Variants in MEFV observed in about 807,000 individuals in gnomAD.
MEFV encodes pyrin.
Under a neutral mutation model 62.5 loss-of-function variants are expected in MEFV, and 60 were observed. The observed-to-expected ratio is 0.96, with a 90% CI of 0.78 to 1.19. The LOEUF (loss-of-function observed/expected upper bound fraction) is 1.19, where lower values mean the gene tolerates loss of function less well. MEFV is among the 50% of genes most tolerant of loss of function. MEFV has a pLI of 0.00. For synonymous variants in MEFV, 500 were observed against 415.2 expected, an observed-to-expected ratio of 1.20 and a Z score of -2.48; for missense variants, 1,169 against 1,004.5, an observed-to-expected ratio of 1.16 and a Z score of -2.21.
intron 8 of MEFV, 164 bp downstream of exon 8, chr16:3,244,090 G>A: frequency 6.4e-7 from 1 of 1,551,884 alleles, no homozygotes; most frequent in Non-Finnish European, 8.7e-7. Context: ...CTCAGTCAAT[G>A]AGTCACGCAC....
chr16:3,246,987 C>T, intron 5 of MEFV, 29 bp downstream of exon 5: 1 of 1,607,506 alleles, frequency 6.2e-7, no homozygotes, highest in Non-Finnish European at 8.5e-7. Flanking sequence ...CACAGGGGAC[C>T]CAAGAAAGCC....
rs1018265024 is a variant in MEFV, at chr16:3,254,802, A to G, written c.278-12T>C. ...TTGTGTGGAATATTCTGGAAGGACA[A>G]CCAGATGCAAAATGATGAAGCTGTC... is the stretch of plus-strand genomic sequence containing the variant. On this transcript the variant is annotated splice_polypyrimidine_tract_variant and intron_variant, in intron 1 of 9. Transcript: ENST00000219596. The G allele has an allele frequency of 1.9e-6, 3 of 1,609,974 alleles. No individual in the cohort carries two copies. Among genetic ancestry groups the G allele is most frequent in the African/African-American group, 2.7e-5 (2 of 74,938 alleles).
intron 2 of MEFV, among the ~76,000 whole-genome samples, chr16:3,252,391 G>A (rs948191102): frequency 4.6e-5 from 7 of 150,842 alleles, no homozygotes; most frequent in Admixed American, 1.3e-4. Context: ...CTCCTGCCTC[G>A]AAGCCTTCTG....
intron 1 of MEFV, 136 bp from the exon 2 acceptor site, chr16:3,254,926 C>G (rs529496703): frequency 7.0e-7 from 1 of 1,429,352 alleles, no homozygotes; most frequent in Non-Finnish European, 9.6e-7. Flanking sequence ...CGCGGTGGCT[C>G]ATGCCTGTAT....
Position 3,254,235 on chromosome 16 carries a change from C to A in MEFV, c.833G>T (p.Arg278Leu), listed in dbSNP as rs104895187. 6.2e-7 allele frequency: 1 copy of A among 1,614,258 alleles called. No homozygotes were observed. Residue 278 changes from arginine to leucine, a missense_variant, in exon 2 of 10, where the codon CGG becomes CTG. By Grantham distance (102) the Arg-to-Leu change is moderately radical (BLOSUM62 -2). Coordinates refer to ENST00000219596, the MANE Select transcript of MEFV (RefSeq NM_000243.3). ...CCCTCCATCCGGAGTGGGCCTTGCCCGGGGTTCTGTTGCCGAGTCCAGATT... is the reference window on the plus strand; with the variant it reads ...CCCTCCATCCGGAGTGGGCCTTGCCAGGGGTTCTGTTGCCGAGTCCAGATT... ...AANLDSATEP[R>L]ARPTPDGGAS... is the part of the protein sequence containing the mutation.
chr16:3,253,033 C>T (rs1959059973), intron 2 of MEFV, among the ~76,000 whole-genome samples: 1 of 151,108 alleles, frequency 6.6e-6, no homozygotes, highest in Non-Finnish European at 1.5e-5. Flanking sequence ...CCTGGATAGC[C>T]TCGGTACCCT....
At chr16:3,255,830 G>A (rs1959108427) in intron 1 of MEFV, among the ~76,000 whole-genome samples, 1 of 152,034 alleles carries the variant, frequency 6.6e-6, no homozygotes, top group Non-Finnish European at 1.5e-5. Flanking sequence ...AGCCGGGCAC[G>A]GTGGCCTATG....
rs980333586 is a variant in MEFV, at chr16:3,243,136, G to A, written c.*5C>T. On this transcript the variant is annotated 3_prime_UTR_variant, in exon 10 of 10. Coordinates refer to ENST00000219596, the MANE Select transcript of MEFV (RefSeq NM_000243.3). Reference sequence around the variant, plus strand: ...AAGCAGGAAGAGAGATGCAGTGTTGGGCATTCAGTCAGGCCCCTGACCACC... The same window carrying A: ...AAGCAGGAAGAGAGATGCAGTGTTGAGCATTCAGTCAGGCCCCTGACCACC... 2.5e-5 allele frequency: 41 copies of A among 1,612,714 alleles called. No homozygotes were observed. Among genetic ancestry groups the A allele is most frequent in the Non-Finnish European group, 3.3e-5 (39 of 1,179,894 alleles).
intron 1 of MEFV, among the ~76,000 whole-genome samples, chr16:3,255,920 G>A (rs1317470506): frequency 6.6e-6 from 1 of 151,916 alleles, no homozygotes; most frequent in East Asian, 2.0e-4. Flanking sequence ...TGGCCAACAT[G>A]GTGAACAGCA....
chr16:3,248,622 C>T, intron 4 of MEFV: 3 of 787,402 alleles, frequency 3.8e-6, no homozygotes, highest in Non-Finnish European at 5.4e-6. Context: ...CTCCCTTTTC[C>T]TCAATCCCAT....
intron 4 of MEFV, chr16:3,247,605 G>C (rs1385837266): frequency 3.5e-6 from 1 of 288,752 alleles, no homozygotes; most frequent in Non-Finnish European, 6.7e-6. Context: ...GGATTGGGTG[G>C]GTCCCTAATC....
chr16:3,243,781 G>A, intron 9 of MEFV, 79 bp downstream of exon 9: 1 of 1,608,560 alleles, frequency 6.2e-7, no homozygotes, highest in Non-Finnish European at 8.5e-7. Context: ...CAGGGACAGG[G>A]TAGTTCTTCT....
At chr16:3,243,981 A>C in intron 8 of MEFV, 89 bp from the exon 9 acceptor site, 1 of 1,583,090 alleles carries the variant, frequency 6.3e-7, no homozygotes, top group Non-Finnish European at 8.6e-7. Context: ...AAGGAAAGAC[A>C]AGGAACCCCC....
chr16:3,253,788 ACC>A (rs1452928958), intron 2 of MEFV, among the ~76,000 whole-genome samples: 1 of 151,848 alleles, frequency 6.6e-6, no homozygotes, highest in Admixed American at 6.6e-5. Flanking sequence ...GCTCAAGTGA[ACC>A]CGAGCAGCTG....
intron 3 of MEFV, 55 bp downstream of exon 3, chr16:3,249,376 G>T (rs1283541159): frequency 7.4e-6 from 11 of 1,489,682 alleles, no homozygotes; most frequent in Non-Finnish European, 9.3e-7. Flanking sequence ...ATGAAGTAAG[G>T]CCCAGTGTGT....
Position 3,250,324 on chromosome 16 carries a change from G to A in MEFV, c.911-544C>T, listed in dbSNP as rs115217524. On this transcript the variant is annotated intron_variant, in intron 2 of 9. Transcript: ENST00000219596. ...TCAATAACCATTAAATGAAAGCAAA[G>A]AAGGGGCTGGGTGGTGGCTCATGCC... is the stretch of plus-strand genomic sequence containing the variant. Among the ~76,000 whole-genome samples, 567 of 152,354 alleles carry A rather than the reference G, an allele frequency of 3.7e-3. 4 individuals carry two copies. Among genetic ancestry groups the A allele is most frequent in the African/African-American group, 0.012 (506 of 41,572 alleles).
chr16:3,252,066 A>T (rs934495966), intron 2 of MEFV: 15 of 312,760 alleles, frequency 4.8e-5, no homozygotes, highest in South Asian at 1.2e-4. Flanking sequence ...AAAAAAAAAA[A>T]TTAAAAAAAA....
At chr16:3,243,826 G>A (rs369713960) in intron 9 of MEFV, 34 bp downstream of exon 9, 26 of 1,611,862 alleles carry the variant, frequency 1.6e-5, no homozygotes, top group African/African-American at 4.0e-5. Context: ...GGATCCAGCA[G>A]GCCAGGGCCA....
At position 3,254,613 on chromosome 16, in the gene MEFV, C is replaced by T. The variant is rs567036095; in HGVS notation, c.455G>A (p.Gly152Glu). ...TTTGCTCAGGGGCTTCCTCGACAGC[C>T]CCCTCCCGGCCTCGGGCTGGCTGCA... is the stretch of plus-strand genomic sequence containing the variant. Reference protein sequence around the residue: ...LRCSQPEAGRGLSRKPLSKRR... With the variant: ...LRCSQPEAGRELSRKPLSKRR... The change falls in exon 2 of 10, where the codon GGG becomes GAG. Residue 152 changes from glycine to glutamate, a missense_variant. Gly to Glu is a moderately conservative substitution (Grantham distance 98, BLOSUM62 -2). Coordinates refer to ENST00000219596, the MANE Select transcript of MEFV (RefSeq NM_000243.3). The T allele has an allele frequency of 5.6e-6, 9 of 1,602,694 alleles. No homozygotes were observed. In the East Asian group the frequency reaches 2.0e-4, roughly 36 times the overall value.
Sources: gnomAD v4.1 joint callset for allele counts (sites outside exome capture counted in the v4.1 genomes callset) on GRCh38, gnomAD v4.1.1 for gene constraint, MANE v1.5 for transcripts, NCBI Gene and HGNC (gene_info 2026-07-23, HGNC 2026-07-21) for gene names.